PIAS2: variants seen among roughly 807,000 people sequenced by gnomAD.
PIAS2 encodes E3 SUMO-protein ligase PIAS2.
A neutral mutation model predicts 69.7 loss-of-function variants in PIAS2; 19 were observed. That is an observed-to-expected ratio of 0.27 (90% CI 0.19 to 0.40). PIAS2 has a LOEUF of 0.40. Ranked by LOEUF, PIAS2 falls within the 10% of genes least tolerant of loss-of-function variation. The probability of loss-of-function intolerance (pLI) is 1.00; values close to 1 mark genes in which losing one functional copy is unlikely to be tolerated. For missense variants in PIAS2, 624 were observed against 757.0 expected, an observed-to-expected ratio of 0.82 and a Z score of 2.06; for synonymous variants, 261 against 263.2, an observed-to-expected ratio of 0.99 and a Z score of 0.08.
At chr18:46,914,491 C>T (rs1463267184) in intron 1 of PIAS2, among the ~76,000 whole-genome samples, 1 of 152,122 alleles carries the variant, frequency 6.6e-6, no homozygotes, top group Admixed American at 6.5e-5. Context: ...CTGGCTCACG[C>T]AGCAGTCTCC....
chr18:46,854,010 C>G (rs1225687896), intron 5 of PIAS2: 2 of 152,308 alleles, frequency 1.3e-5, no homozygotes, highest in East Asian at 1.9e-4. Flanking sequence ...AAAAGAGTCA[C>G]GTCAGTGATG....
In PIAS2 at chr18:46,855,375, T is replaced by C. The variant is rs773541220; in HGVS notation, c.696A>G (p.Ile232Met). 2 of 1,611,830 alleles carry C rather than the reference T, an allele frequency of 1.2e-6. No individual in the cohort carries two copies. Among genetic ancestry groups the C allele is most frequent in the Non-Finnish European group, 8.5e-7 (1 of 1,179,184 alleles). Residue 232 changes from isoleucine to methionine, a missense_variant, in exon 5 of 14, where the codon ATA (isoleucine) becomes ATG (methionine). Around this residue, in one of 3 missense-constraint regions of PIAS2, gnomAD observed 339 missense variants for 408.8 expected, o/e 0.83. Transcript: ENST00000585916. The stretch of plus-strand genomic sequence containing the variant: ...AAGGAAATAGCTTCCCATTTACTTT[T>C]ATACATAGACTATTTGGATAGTTAT... ...QEDNYPNSLC[I>M]KVNGKLFPLP... is the part of the protein sequence containing the mutation.
At chr18:46,902,569 A>C (rs2056042854) in intron 1 of PIAS2, among the ~76,000 whole-genome samples, 1 of 152,172 alleles carries the variant, frequency 6.6e-6, no homozygotes. Context: ...TCAAAAAAAA[A>C]AGAGAAAAGA....
chr18:46,814,149 G>A (rs2041261096), intron 13 of PIAS2, among the ~76,000 whole-genome samples: 1 of 152,136 alleles, frequency 6.6e-6, no homozygotes, highest in Non-Finnish European at 1.5e-5. Flanking sequence ...AGCCACTTAA[G>A]TTCTAACCCT....
chr18:46,836,144 G>A (rs553126250), intron 9 of PIAS2: 45 of 388,208 alleles, frequency 1.2e-4, no homozygotes, highest in Non-Finnish European at 2.0e-4. Context: ...TGCCCTCAAC[G>A]CAAATCATAT....
At chr18:46,902,651 G>C (rs897498453) in intron 1 of PIAS2, among the ~76,000 whole-genome samples, 1 of 152,072 alleles carries the variant, frequency 6.6e-6, no homozygotes, top group African/African-American at 2.4e-5. Context: ...TCCCCAAACC[G>C]ATATATAGGT....
intron 5 of PIAS2, among the ~76,000 whole-genome samples, chr18:46,850,005 A>G (rs757613083): frequency 6.6e-6 from 1 of 152,200 alleles, no homozygotes; most frequent in Non-Finnish European, 1.5e-5. Flanking sequence ...AATAATCACA[A>G]TTTTAAAAAA....
chr18:46,869,979 C>T (rs1299567211), intron 2 of PIAS2, among the ~76,000 whole-genome samples: 6 of 152,010 alleles, frequency 3.9e-5, no homozygotes, highest in African/African-American at 1.4e-4. Context: ...AACAATCCAC[C>T]AATGTATGAG....
intron 2 of PIAS2, among the ~76,000 whole-genome samples, chr18:46,866,777 T>A (rs1157788843): frequency 6.6e-6 from 1 of 152,196 alleles, no homozygotes; most frequent in African/African-American, 2.4e-5. Flanking sequence ...CCTGCTTTTT[T>A]CTGATAAACC....
At position 46,812,602 on chromosome 18, in the gene PIAS2, G is replaced by A. The variant is rs1157229811; in HGVS notation, c.1697C>T (p.Pro566Leu). Residue 566 changes from proline to leucine, a missense_variant, in exon 14 of 14, where the codon CCT (proline) becomes CTT (leucine). Transcript: ENST00000585916. ...LIPVDPQYCP[P>L]MFLDSLTSPL... ...TGAGGTGAGACTATCCAAAAACATA[G>A]GAGGACAGTACTGCTTGAAACAAAC... The A allele has an allele frequency of 1.9e-6, 3 of 1,610,440 alleles. No individual in the cohort carries two copies. The highest frequency in any genetic ancestry group is 2.5e-6 in the Non-Finnish European group (3 of 1,176,928).
chr18:46,860,221 G>C (rs1032788735), intron 3 of PIAS2, among the ~76,000 whole-genome samples: 5 of 152,160 alleles, frequency 3.3e-5, no homozygotes, highest in Admixed American at 3.3e-4. Context: ...AACTGATGTG[G>C]GATAAAACCT....
chr18:46,824,851 A>G (rs1486782235), intron 11 of PIAS2, among the ~76,000 whole-genome samples: 1 of 151,394 alleles, frequency 6.6e-6, no homozygotes, highest in Non-Finnish European at 1.5e-5. Context: ...AAAAAAAAAA[A>G]AACACAAAAA....
At chr18:46,835,616 T>C (rs533407066) in intron 9 of PIAS2, among the ~76,000 whole-genome samples, 1 of 152,306 alleles carries the variant, frequency 6.6e-6, no homozygotes, top group Admixed American at 6.5e-5. Context: ...GTTGTACAAG[T>C]ATCTTTAAAA....
chr18:46,826,502 C>G (rs1363376873), intron 11 of PIAS2, among the ~76,000 whole-genome samples: 1 of 152,220 alleles, frequency 6.6e-6, no homozygotes, highest in Admixed American at 6.5e-5. Context: ...TGTTTTTCCA[C>G]TATATTCTAA....
chr18:46,872,185 C>T (rs566817001), intron 2 of PIAS2, among the ~76,000 whole-genome samples: 2 of 152,300 alleles, frequency 1.3e-5, no homozygotes, highest in South Asian at 4.1e-4. Context: ...CTGACTAGTG[C>T]AAGGCCCCAG....
At chr18:46,848,624 A>G (rs2046495169) in intron 5 of PIAS2, among the ~76,000 whole-genome samples, 1 of 152,218 alleles carries the variant, frequency 6.6e-6, no homozygotes, top group Non-Finnish European at 1.5e-5. Context: ...TAATTATTAA[A>G]TGGTAGTCCA....
intron 11 of PIAS2, chr18:46,827,753 C>T (rs1204273409): frequency 2.1e-6 from 1 of 469,632 alleles, no homozygotes; most frequent in African/African-American, 2.0e-5. Context: ...ACCTCACACG[C>T]TCACTTTCCA....
intron 12 of PIAS2, chr18:46,817,538 G>C: frequency 1.1e-6 from 1 of 931,540 alleles, no homozygotes; most frequent in Non-Finnish European, 1.3e-6. Flanking sequence ...TAAATATAAA[G>C]TTTATTTAGA....
intron 2 of PIAS2, among the ~76,000 whole-genome samples, chr18:46,871,189 C>T (rs2050308768): frequency 6.6e-6 from 1 of 152,098 alleles, no homozygotes; most frequent in Admixed American, 6.6e-5. Context: ...TATTGAAGAG[C>T]TTTTAAGAGA....
Sources: gnomAD v4.1 joint callset for allele counts (sites outside exome capture counted in the v4.1 genomes callset) on GRCh38, gnomAD v4.1.1 for gene constraint, gnomAD v4.1.1 regional missense constraint, MANE v1.5 for transcripts, NCBI Gene and HGNC (gene_info 2026-07-23, HGNC 2026-07-21) for gene names.